The following TRHDE variants were observed in gnomAD, a reference collection of about 807,000 sequenced individuals.
TRHDE encodes the protein thyrotropin releasing hormone degrading enzyme.
Under a neutral mutation model 125.7 loss-of-function variants are expected in TRHDE, and 72 were observed. The observed-to-expected ratio is 0.57, with a 90% CI of 0.47 to 0.70. The LOEUF is 0.70. Among genes scored for constraint, TRHDE ranks in the 30% least tolerant of loss-of-function variants. The pLI is 0.00. For missense variants in TRHDE, 1,110 were observed against 1,327.1 expected (o/e 0.84, Z 2.54); for synonymous variants, 509 against 509.1 (o/e 1.00, Z 0.00).
At chr12:72,142,371 C>A (rs1420612629) in intron 2 of TRHDE, among the ~76,000 whole-genome samples, 1 of 152,126 alleles carries the variant, frequency 6.6e-6, no homozygotes, top group African/African-American at 2.4e-5. Context: ...GCCTTGGTCT[C>A]TTTTTGGCTT....
At chr12:72,196,935 A>G (rs1744841029) in intron 2 of TRHDE, among the ~76,000 whole-genome samples, 1 of 151,964 alleles carries the variant, frequency 6.6e-6, no homozygotes, top group Non-Finnish European at 1.5e-5. Flanking sequence ...ATTTCCTCCA[A>G]TTCTTCCATT....
chr12:72,521,662 G>A (rs576974918), intron 6 of TRHDE, among the ~76,000 whole-genome samples: 3 of 152,292 alleles, frequency 2.0e-5, no homozygotes, highest in Admixed American at 2.0e-4. Flanking sequence ...CCCAAGTAAA[G>A]CATGACCAAC....
chr12:72,437,202 A>T (rs937503481), intron 3 of TRHDE, among the ~76,000 whole-genome samples: 3 of 151,848 alleles, frequency 2.0e-5, no homozygotes, highest in Admixed American at 1.3e-4. Context: ...TTGGGTTTTG[A>T]GGATTAAATA....
chr12:72,202,960 T>C (rs1434364842), intron 2 of TRHDE, among the ~76,000 whole-genome samples: 1 of 152,124 alleles, frequency 6.6e-6, no homozygotes, highest in Non-Finnish European at 1.5e-5. Flanking sequence ...TTTAATATTT[T>C]TATTATTTTA....
In TRHDE at chr12:72,470,863, C is replaced by CTTTTTTT. The variant is rs768937293; in HGVS notation, c.1470+976_1470+982dup. ...GACGACCGTTCTATGTAAATGTCAG[C>CTTTTTTT]TTTTTTTTTTTTTTTTTTTTTTTTT... is the stretch of plus-strand genomic sequence containing the variant. On this transcript the variant is annotated intron_variant, in intron 4 of 18. Transcript: ENST00000261180. Among the ~76,000 whole-genome samples, 17 of 67,940 alleles carry CTTTTTTT rather than the reference C, an allele frequency of 2.5e-4. 2 individuals are homozygous for CTTTTTTT. In the South Asian group the frequency reaches 3.0e-3, roughly 12 times the overall value. The allele number at this position is 67,940 out of a possible 152,430, so 44.6% of individuals were successfully genotyped here.
chr12:72,217,695 AG>A (rs2139366002), intron 2 of TRHDE, among the ~76,000 whole-genome samples: 1 of 152,318 alleles, frequency 6.6e-6, no homozygotes, highest in East Asian at 1.9e-4. Context: ...CAGAATGCTA[AG>A]TGAAACAGAG....
chr12:72,096,782 A>C (rs553460644), intron 1 of TRHDE, among the ~76,000 whole-genome samples: 72 of 152,334 alleles, frequency 4.7e-4, no homozygotes, highest in African/African-American at 1.7e-3. Context: ...AAGATCTGGG[A>C]TATAGGCGAC....
At chr12:72,640,777 C>T (rs1344164161) in intron 15 of TRHDE, among the ~76,000 whole-genome samples, 1 of 152,096 alleles carries the variant, frequency 6.6e-6, no homozygotes, top group African/African-American at 2.4e-5. Flanking sequence ...TCAAGGAAGC[C>T]TCCACCAGAG....
intron 12 of TRHDE, among the ~76,000 whole-genome samples, chr12:72,598,359 T>TAA (rs1872066954): frequency 6.6e-6 from 1 of 152,196 alleles, no homozygotes; most frequent in Non-Finnish European, 1.5e-5. Flanking sequence ...TTCTTTATAT[T>TAA]AAATGAAATG....
intron 2 of TRHDE, among the ~76,000 whole-genome samples, chr12:72,221,179 A>G (rs917936105): frequency 2.4e-4 from 37 of 152,126 alleles, no homozygotes; most frequent in African/African-American, 8.4e-4. Context: ...ATACTTTTGC[A>G]ATATGCCTAT....
At chr12:72,641,384 A>G (rs959980339) in intron 15 of TRHDE, among the ~76,000 whole-genome samples, 1 of 152,228 alleles carries the variant, frequency 6.6e-6, no homozygotes, top group African/African-American at 2.4e-5. Context: ...AAGGATTTCC[A>G]AAATATATGA....
intron 2 of TRHDE, among the ~76,000 whole-genome samples, chr12:72,191,135 G>T (rs1042341670): frequency 2.0e-5 from 3 of 152,134 alleles, no homozygotes; most frequent in Non-Finnish European, 2.9e-5. Flanking sequence ...GGAACACACT[G>T]GTCTTACCAT....
At chr12:72,488,839 A>G (rs1020932106) in intron 5 of TRHDE, among the ~76,000 whole-genome samples, 1 of 151,922 alleles carries the variant, frequency 6.6e-6, no homozygotes, top group Non-Finnish European at 1.5e-5. Flanking sequence ...CTAGAAATCA[A>G]TAACAGATAA....
intron 2 of TRHDE, among the ~76,000 whole-genome samples, chr12:72,300,145 G>A (rs1448309936): frequency 6.6e-6 from 1 of 152,070 alleles, no homozygotes; most frequent in African/African-American, 2.4e-5. Context: ...CATTCTTCCA[G>A]GCAGTGTTAG....
chr12:72,194,198 G>A (rs10879375), intron 2 of TRHDE, among the ~76,000 whole-genome samples: 18,195 of 152,040 alleles, frequency 0.12, 2,088 homozygotes, highest in African/African-American at 0.3. Context: ...TTATTTAAAA[G>A]TAAATGTATA....
chr12:72,534,507 T>A (rs2135979090), intron 6 of TRHDE, among the ~76,000 whole-genome samples: 1 of 152,228 alleles, frequency 6.6e-6, no homozygotes, highest in Middle Eastern at 3.4e-3. Flanking sequence ...GTGAAAGATA[T>A]ATGCTGAATT....
rs756449641 is a variant in TRHDE at position 72,401,805 on chromosome 12, GC to G, written c.1315+23686del. Among the ~76,000 whole-genome samples the G allele has an allele frequency of 3.9e-5, 6 of 152,278 alleles. No homozygotes were observed. The South Asian group carries it at 1.2e-3, about 32-fold the overall frequency. On this transcript the variant is annotated intron_variant, in intron 3 of 18. Coordinates refer to ENST00000261180, the MANE Select transcript of TRHDE (RefSeq NM_013381.3). ...TAATAACTTGGGTTGGAGAGTGTTTGCCTTTCTAGATATGAATAGTAAGCTA... is the reference window on the plus strand; with the variant it reads ...TAATAACTTGGGTTGGAGAGTGTTTGCTTTCTAGATATGAATAGTAAGCTA...
At chr12:72,533,885 C>T (rs1248165399) in intron 6 of TRHDE, among the ~76,000 whole-genome samples, 1 of 151,992 alleles carries the variant, frequency 6.6e-6, no homozygotes, top group Non-Finnish European at 1.5e-5. Flanking sequence ...ATCTGTGATC[C>T]TCTTTGAATA....
intron 2 of TRHDE, among the ~76,000 whole-genome samples, chr12:72,142,522 A>T (rs2139315281): frequency 6.6e-6 from 1 of 152,216 alleles, no homozygotes; most frequent in South Asian, 2.1e-4. Context: ...TGAACAGGAG[A>T]CAGGGAAATA....
Sources: gnomAD v4.1 joint callset for allele counts (sites outside exome capture counted in the v4.1 genomes callset) on GRCh38, gnomAD v4.1.1 for gene constraint, MANE v1.5 for transcripts, NCBI Gene and HGNC (gene_info 2026-07-23, HGNC 2026-07-21) for gene names.